The following PPM1E variants were observed in gnomAD, a reference collection of about 807,000 sequenced individuals.
PPM1E encodes the protein protein phosphatase, Mg2+/Mn2+ dependent 1E.
PPM1E carries 20 observed loss-of-function variants against 65.9 expected under a neutral mutation model. The observed-to-expected ratio is 0.30, with a 90% CI of 0.21 to 0.44. PPM1E has a LOEUF of 0.44. PPM1E is among the 20% of genes least tolerant of loss of function. The pLI, the probability that PPM1E is intolerant of heterozygous loss-of-function variation, is 1.00. For synonymous variants in PPM1E, 352 were observed against 374.9 expected (o/e 0.94, Z 0.70); for missense variants, 713 against 953.1 (o/e 0.75, Z 3.32).
intron 1 of PPM1E, among the ~76,000 whole-genome samples, chr17:58,763,218 A>C (rs2049840611): frequency 6.6e-6 from 1 of 152,120 alleles, no homozygotes; most frequent in African/African-American, 2.4e-5. Flanking sequence ...TGTTCTGTGA[A>C]GTCATTAAGG....
chr17:58,813,027 A>G (rs2050384578), intron 1 of PPM1E, among the ~76,000 whole-genome samples: 1 of 152,226 alleles, frequency 6.6e-6, no homozygotes, highest in South Asian at 2.1e-4. Flanking sequence ...GGCAGTAGTC[A>G]TAATAATTTG....
At chr17:58,830,896 G>C (rs1456108463) in intron 1 of PPM1E, among the ~76,000 whole-genome samples, 1 of 151,902 alleles carries the variant, frequency 6.6e-6, no homozygotes, top group Non-Finnish European at 1.5e-5. Context: ...TGTTGGCCAG[G>C]CTGGTCTCAA....
chr17:58,929,576 G>A (rs150852747), intron 1 of PPM1E, among the ~76,000 whole-genome samples: 1 of 152,240 alleles, frequency 6.6e-6, no homozygotes, highest in African/African-American at 2.4e-5. Context: ...TTGATCAATA[G>A]ATAGCAAAAT....
intron 1 of PPM1E, among the ~76,000 whole-genome samples, chr17:58,885,792 C>T (rs2051258170): frequency 6.6e-6 from 1 of 152,148 alleles, no homozygotes; most frequent in Non-Finnish European, 1.5e-5. Flanking sequence ...CTGGAATACC[C>T]CTCTTCAATT....
chr17:58,927,510 A>T (rs1028399197), intron 1 of PPM1E, among the ~76,000 whole-genome samples: 1 of 152,156 alleles, frequency 6.6e-6, no homozygotes, highest in East Asian at 1.9e-4. Flanking sequence ...AAAATTGTGG[A>T]ATCTTAGTTA....
At chr17:58,794,960 C>G (rs2050192325) in intron 1 of PPM1E, among the ~76,000 whole-genome samples, 1 of 148,414 alleles carries the variant, frequency 6.7e-6, no homozygotes, top group Non-Finnish European at 1.5e-5. Flanking sequence ...ATGATCTTGG[C>G]TCACTGCAAC....
chr17:58,793,425 G>A lies in PPM1E; in HGVS notation c.464+36964G>A, dbSNP rs941397668. Among the ~76,000 whole-genome samples the A allele has an allele frequency of 9.3e-5, 14 of 151,284 alleles. 1 individual carries two copies. The highest frequency in any genetic ancestry group is 2.1e-4 in the South Asian group (1 of 4,764). ...GGCTGGAGTGCAGTGGCGCGATCTC[G>A]GCTCACTGCAAGCTCCGCCTCCCGA... On this transcript the variant is annotated intron_variant, in intron 1 of 6. Transcript: ENST00000308249.
chr17:58,949,151 G>C (rs908092505), intron 1 of PPM1E, among the ~76,000 whole-genome samples: 1 of 152,132 alleles, frequency 6.6e-6, no homozygotes, highest in Non-Finnish European at 1.5e-5. Flanking sequence ...AGATCTAATA[G>C]TATTTTCTTT....
chr17:58,980,536 G>C lies in PPM1E; in HGVS notation c.1773G>C (p.Met591Ile). Reference protein sequence around the residue: ...HSAQFLLPVEMFGPGAPKKAN... With the variant: ...HSAQFLLPVEIFGPGAPKKAN... The stretch of plus-strand genomic sequence containing the variant: ...CCCAGTTTTTGCTACCAGTTGAGAT[G>C]TTTGGTCCTGGTGCACCAAAGAAAG... The change falls in exon 7 of 7, where the codon ATG becomes ATC. Residue 591 changes from methionine (M) to isoleucine (I), a missense_variant. This residue lies in a region of PPM1E where 286 missense variants were observed against 313.8 expected (regional missense o/e 0.91). Coordinates refer to ENST00000308249, the MANE Select transcript of PPM1E (RefSeq NM_014906.5). The surrounding 1 kb of genome is among the most constrained non-coding windows in gnomAD (Gnocchi z 4.7). The C allele has an allele frequency of 6.2e-7, 1 of 1,614,204 alleles. No individual in the cohort carries two copies. The highest frequency in any genetic ancestry group is 8.5e-7 in the Non-Finnish European group (1 of 1,180,022).
chr17:58,983,007 T>A lies in PPM1E; in HGVS notation c.*1976T>A. ...TAGCGAAGTAAAAAAAAAAGCTTTT[T>A]AAAATTTCTATTGTTGTCTATTGGT... On this transcript the variant is annotated 3_prime_UTR_variant, in exon 7 of 7. Coordinates refer to ENST00000308249, the MANE Select transcript of PPM1E (RefSeq NM_014906.5). The A allele has an allele frequency of 7.9e-7, 1 of 1,259,966 alleles. No individual in the cohort carries two copies. The highest frequency in any genetic ancestry group is 1.4e-5 in the South Asian group (1 of 73,404). The allele number at this position is 1,259,966 out of a possible 1,614,324, so 78.0% of individuals were successfully genotyped here. A position where few individuals can be genotyped will look rare whatever the true frequency, so the allele number is the denominator to read the frequency against.
chr17:58,934,087 C>CAAAAA (rs11316368), intron 1 of PPM1E, among the ~76,000 whole-genome samples: 12 of 80,118 alleles, frequency 1.5e-4, no homozygotes, highest in Admixed American at 4.4e-4. Context: ...GACTTCGTAT[C>CAAAAA]AAAAAAAAAA....
intron 1 of PPM1E, among the ~76,000 whole-genome samples, chr17:58,758,049 C>T (rs2049785955): frequency 6.6e-6 from 1 of 152,210 alleles, no homozygotes. Context: ...ATCTTAGCAG[C>T]AGACTGGCTC....
At chr17:58,928,792 T>A (rs2051856006) in intron 1 of PPM1E, among the ~76,000 whole-genome samples, 1 of 151,396 alleles carries the variant, frequency 6.6e-6, no homozygotes, top group Non-Finnish European at 1.5e-5. Flanking sequence ...AACCTTCGCC[T>A]CCCGGGTTCA....
chr17:58,823,661 TAAAG>T (rs376430324), intron 1 of PPM1E, among the ~76,000 whole-genome samples: 219 of 152,224 alleles, frequency 1.4e-3, no homozygotes, highest in African/African-American at 5.0e-3. Flanking sequence ...AGATAAAAAA[TAAAG>T]AAAAACATCT....
At position 58,955,574 on chromosome 17, in the gene PPM1E, G is replaced by A. The variant is rs1273765532; in HGVS notation, c.465-75G>A. On this transcript the variant is annotated intron_variant, in intron 1 of 6. Coordinates refer to ENST00000308249, the MANE Select transcript of PPM1E (RefSeq NM_014906.5). ...TTTGAGACAATGTTATAATTAATAT[G>A]TAATTATTATAACGTTAAATGTATT... The A allele has an allele frequency of 3.4e-6, 5 of 1,458,622 alleles. No homozygotes were observed. In the South Asian group the frequency reaches 4.7e-5, roughly 14 times the overall value. 90.4% of individuals were successfully genotyped at this position (1,458,622 alleles called of 1,614,324 possible).
At chr17:58,872,060 G>A (rs1223651013) in intron 1 of PPM1E, among the ~76,000 whole-genome samples, 1 of 152,192 alleles carries the variant, frequency 6.6e-6, no homozygotes, top group Non-Finnish European at 1.5e-5. Context: ...CACTTTGGGA[G>A]GCTGAGGCAG....
At chr17:58,969,873 G>T in intron 4 of PPM1E, 146 bp downstream of exon 4, 1 of 771,622 alleles carries the variant, frequency 1.3e-6, no homozygotes, top group East Asian at 2.7e-5. Flanking sequence ...GGATTCTGTT[G>T]TAGTTCCAAT....
chr17:58,969,267 G>T (rs1378587370), intron 3 of PPM1E, among the ~76,000 whole-genome samples: 3 of 152,048 alleles, frequency 2.0e-5, no homozygotes, highest in Non-Finnish European at 4.4e-5. Flanking sequence ...CATGGTACAA[G>T]ACAACAACTT....
chr17:58,873,386 A>G (rs1012645668), intron 1 of PPM1E, among the ~76,000 whole-genome samples: 8 of 152,030 alleles, frequency 5.3e-5, no homozygotes, highest in Admixed American at 1.3e-4. Context: ...AACTACACCA[A>G]TTTGAGTCTG....
Sources: gnomAD v4.1 joint callset for allele counts (sites outside exome capture counted in the v4.1 genomes callset) on GRCh38, gnomAD v4.1.1 for gene constraint, gnomAD v4.1.1 regional missense constraint, Gnocchi (gnomAD v3.1) non-coding constraint, MANE v1.5 for transcripts, NCBI Gene and HGNC (gene_info 2026-07-23, HGNC 2026-07-21) for gene names.